NADK: variants seen among roughly 807,000 people sequenced by gnomAD.
NADK encodes NAD kinase.
NADK carries 22 observed loss-of-function variants against 49.8 expected under a neutral mutation model. The ratio of observed to expected loss-of-function variants is 0.44; its 90% confidence interval spans 0.32 to 0.63. The LOEUF is 0.63. Among genes scored for constraint, NADK ranks in the 30% least tolerant of loss-of-function variants. The pLI is 0.06. For missense variants in NADK, 438 were observed against 609.4 expected (o/e 0.72, Z 2.96); for synonymous variants, 268 against 253.7 (o/e 1.06, Z -0.54).
intron 3 of NADK, chr1:1,758,272 C>A (rs1395139513): frequency 4.2e-6 from 6 of 1,438,970 alleles, no homozygotes; most frequent in Admixed American, 2.1e-5. Flanking sequence ...CCCACTAACA[C>A]CCCCAGAACC....
intron 1 of NADK, 125 bp from the exon 2 acceptor site, chr1:1,765,571 G>GACTGTT: frequency 4.1e-6 from 2 of 487,274 alleles, no homozygotes; most frequent in Non-Finnish European, 6.9e-6. Flanking sequence ...ATTTACCAAA[G>GACTGTT]TACTTTGAAA....
chr1:1,774,609 C>G (rs571179526), intron 1 of NADK, among the ~76,000 whole-genome samples: 1 of 151,318 alleles, frequency 6.6e-6, no homozygotes, highest in Admixed American at 6.6e-5. Flanking sequence ...CCACTGCGCG[C>G]GGCCACCATT....
At chr1:1,775,312 CTCAA>C (rs752908408) in intron 1 of NADK, among the ~76,000 whole-genome samples, 3 of 152,114 alleles carry the variant, frequency 2.0e-5, no homozygotes, top group Non-Finnish European at 2.9e-5. Flanking sequence ...CATGTAAGAA[CTCAA>C]TCAATATTTG....
At position 1,754,779 on chromosome 1, in the gene NADK, A is replaced by C. The variant is rs1473692531; in HGVS notation, c.689-81T>G. 2 of 1,344,642 alleles carry C rather than the reference A, an allele frequency of 1.5e-6. No homozygotes were observed. The highest frequency in any genetic ancestry group is 2.8e-5 in the South Asian group (2 of 71,608). The allele number at this position is 1,344,642 out of a possible 1,614,324, so 83.3% of individuals were successfully genotyped here. A position where few individuals can be genotyped will look rare whatever the true frequency, so the allele number is the denominator to read the frequency against. On this transcript the variant is annotated intron_variant, in intron 7 of 11. Coordinates refer to ENST00000341426, the MANE Select transcript of NADK (RefSeq NM_023018.5). This position sits in a 1 kb window ranked among gnomAD's most constrained non-coding sequence, Gnocchi z 4.3. ...GCCCCACCCCAGGGAGGCCAGTGGGAGTCAGAGGGCTCTTTCTTCTCCCAA... is the reference window on the plus strand; with the variant it reads ...GCCCCACCCCAGGGAGGCCAGTGGGCGTCAGAGGGCTCTTTCTTCTCCCAA...
intron 6 of NADK, chr1:1,756,016 C>A (rs185486639): frequency 4.1e-5 from 24 of 585,184 alleles, no homozygotes; most frequent in Non-Finnish European, 6.7e-5. Context: ...CACCACCCTG[C>A]GCCACTCCCT....
intron 7 of NADK, 25 bp downstream of exon 7, chr1:1,755,349 T>C: frequency 6.4e-7 from 1 of 1,553,176 alleles, no homozygotes; most frequent in Non-Finnish European, 8.9e-7. Flanking sequence ...AGAGCTCCTG[T>C]GGGCTCCAGA....
chr1:1,759,263 C>G (rs1256747067), intron 3 of NADK: 1 of 1,553,464 alleles, frequency 6.4e-7, no homozygotes, highest in African/African-American at 1.4e-5. Flanking sequence ...AGGACACCAG[C>G]CCTTGCAGGC....
At chr1:1,768,150 C>A in intron 1 of NADK, among the ~76,000 whole-genome samples, 1 of 143,094 alleles carries the variant, frequency 7.0e-6, no homozygotes, top group South Asian at 2.2e-4. Context: ...CAGCCTGGGC[C>A]ACAAGAGCAA....
intron 6 of NADK, chr1:1,756,044 C>CT: frequency 1.7e-6 from 1 of 602,914 alleles, no homozygotes; most frequent in Non-Finnish European, 2.9e-6. Context: ...CAGGCGGGCG[C>CT]TGGCCACCCC....
chr1:1,754,969 G>A lies in NADK; in HGVS notation c.689-271C>T, dbSNP rs981520021. The A allele has an allele frequency of 3.4e-5, 15 of 443,714 alleles. No homozygotes were observed. Among genetic ancestry groups the A allele is most frequent in the African/African-American group, 2.0e-4 (10 of 49,132 alleles). 27.5% of individuals were successfully genotyped at this position (443,714 alleles called of 1,614,324 possible). On this transcript the variant is annotated intron_variant, in intron 7 of 11. Transcript: ENST00000341426. The surrounding 1 kb of genome is among the most constrained non-coding windows in gnomAD (Gnocchi z 4.3). Reference sequence around the variant, plus strand: ...CCCAAGTAGCTGGAACTACGGGTGCGCACCACCACGCCCAGCTAATTTTTG... The same window carrying A: ...CCCAAGTAGCTGGAACTACGGGTGCACACCACCACGCCCAGCTAATTTTTG...
At chr1:1,770,953 C>T (rs1646029042) in intron 1 of NADK, among the ~76,000 whole-genome samples, 1 of 150,558 alleles carries the variant, frequency 6.6e-6, no homozygotes, top group Admixed American at 6.6e-5. Flanking sequence ...GAGGCTGAGG[C>T]AGGAGAATCA....
intron 4 of NADK, chr1:1,756,820 T>C (rs1427370185): frequency 2.2e-6 from 2 of 903,630 alleles, no homozygotes; most frequent in East Asian, 2.4e-5. Flanking sequence ...CTCTCAGGAA[T>C]TGACTAAGGC....
intron 5 of NADK, 29 bp from the exon 6 acceptor site, chr1:1,756,372 AG>A (rs1557837524): frequency 6.2e-7 from 1 of 1,611,096 alleles, no homozygotes; most frequent in Non-Finnish European, 8.5e-7. Flanking sequence ...AACCAAGAAG[AG>A]GCTGTCACAC....
intron 1 of NADK, among the ~76,000 whole-genome samples, chr1:1,777,394 A>G (rs1443884562): frequency 6.6e-6 from 1 of 151,812 alleles, no homozygotes; most frequent in African/African-American, 2.4e-5. Context: ...CATCAGGAGG[A>G]AAAAAAAACT....
In NADK at chr1:1,754,778, G is replaced by T. The variant is rs1303323385; in HGVS notation, c.689-80C>A. 7.5e-6 allele frequency: 10 copies of T among 1,341,318 alleles called. No individual in the cohort carries two copies. The highest frequency in any genetic ancestry group is 1.0e-5 in the Non-Finnish European group (10 of 983,112). The allele number at this position is 1,341,318 out of a possible 1,614,324, so 83.1% of individuals were successfully genotyped here. On this transcript the variant is annotated intron_variant, in intron 7 of 11. Transcript: ENST00000341426. The surrounding 1 kb of genome is among the most constrained non-coding windows in gnomAD (Gnocchi z 4.3). ...GGCCCCACCCCAGGGAGGCCAGTGG[G>T]AGTCAGAGGGCTCTTTCTTCTCCCA...
At chr1:1,776,795 G>T (rs936923401) in intron 1 of NADK, among the ~76,000 whole-genome samples, 2 of 125,396 alleles carry the variant, frequency 1.6e-5, no homozygotes, top group Non-Finnish European at 3.4e-5. Flanking sequence ...AAAAAAAAAA[G>T]ACTGGTCAAA....
At chr1:1,779,583 A>T (rs1646312436), upstream of NADK, among the ~76,000 whole-genome samples, 1 of 151,858 alleles carries the variant, frequency 6.6e-6, no homozygotes, top group African/African-American at 2.4e-5. Flanking sequence ...GGTGCAAGCG[A>T]TCCTTCCACT....
chr1:1,760,870 G>A (rs918018422), intron 3 of NADK, among the ~76,000 whole-genome samples: 23 of 152,194 alleles, frequency 1.5e-4, no homozygotes, highest in African/African-American at 5.3e-4. Flanking sequence ...TTGCTCTGTC[G>A]CCCAGGCGGA....
chr1:1,762,077 C>T (rs778332000), intron 2 of NADK, 42 bp from the exon 3 acceptor site: 1 of 1,551,352 alleles, frequency 6.4e-7, no homozygotes. Flanking sequence ...GGGCCTGAAA[C>T]CAGACATGCA....
Sources: gnomAD v4.1 joint callset for allele counts (sites outside exome capture counted in the v4.1 genomes callset) on GRCh38, gnomAD v4.1.1 for gene constraint, Gnocchi (gnomAD v3.1) non-coding constraint, MANE v1.5 for transcripts, NCBI Gene and HGNC (gene_info 2026-07-23, HGNC 2026-07-21) for gene names.